PCDH15: variants seen among roughly 807,000 people sequenced by gnomAD.
PCDH15 encodes protocadherin-15.
PCDH15 carries 129 observed loss-of-function variants against 178.5 expected under a neutral mutation model. The observed-to-expected ratio is 0.72, with a 90% CI of 0.63 to 0.84. The LOEUF (loss-of-function observed/expected upper bound fraction) is 0.84. Among genes scored for constraint, PCDH15 ranks in the 40% least tolerant of loss-of-function variants. The pLI is 0.00. For synonymous variants in PCDH15, 800 were observed against 732.0 expected (o/e 1.09, Z -1.50); for missense variants, 2,230 against 2,099.9 (o/e 1.06, Z -1.21).
chr10:54,189,897 T>G (rs1259659499), intron 11 of PCDH15, among the ~76,000 whole-genome samples: 1 of 149,118 alleles, frequency 6.7e-6, no homozygotes, highest in Non-Finnish European at 1.5e-5. Flanking sequence ...TAAACTGATA[T>G]GGTTCATATA....
chr10:54,146,922 G>GTA (rs765376505), intron 14 of PCDH15, among the ~76,000 whole-genome samples: 6 of 81,850 alleles, frequency 7.3e-5, no homozygotes, highest in Non-Finnish European at 1.3e-4. Context: ...TATATATAGT[G>GTA]TATATATATA....
chr10:54,228,417 A>C (rs537746546), intron 9 of PCDH15, among the ~76,000 whole-genome samples: 1 of 152,262 alleles, frequency 6.6e-6, no homozygotes, highest in Non-Finnish European at 1.5e-5. Flanking sequence ...ACTTGGCCCC[A>C]TTATTCAATT....
intron 15 of PCDH15, among the ~76,000 whole-genome samples, chr10:54,130,458 C>A (rs925533601): frequency 1.3e-5 from 2 of 152,116 alleles, no homozygotes; most frequent in Non-Finnish European, 2.9e-5. Context: ...CTACCTATAA[C>A]TGACCCTTAT....
chr10:54,012,745 T>C (rs1265498798), intron 20 of PCDH15, among the ~76,000 whole-genome samples: 2 of 152,100 alleles, frequency 1.3e-5, no homozygotes, highest in African/African-American at 4.8e-5. Flanking sequence ...AAGCAAATTC[T>C]AAGGGAATTT....
intron 2 of PCDH15, among the ~76,000 whole-genome samples, chr10:55,145,515 A>G (rs1838482766): frequency 6.6e-6 from 1 of 151,974 alleles, no homozygotes; most frequent in Non-Finnish European, 1.5e-5. Flanking sequence ...GATATAACTT[A>G]TGTAGACCCA....
chr10:54,860,984 G>C (rs1953831073), intron 3 of PCDH15, among the ~76,000 whole-genome samples: 1 of 152,084 alleles, frequency 6.6e-6, no homozygotes, highest in Non-Finnish European at 1.5e-5. Flanking sequence ...TAAGTGCTCT[G>C]TCCCAATAAT....
At chr10:54,667,253 TAC>T (rs1192788195) in intron 1 of PCDH15, among the ~76,000 whole-genome samples, 2 of 152,018 alleles carry the variant, frequency 1.3e-5, no homozygotes, top group Admixed American at 6.6e-5. Context: ...GCTCAATATT[TAC>T]AGAGACCTGA....
intron 2 of PCDH15, among the ~76,000 whole-genome samples, chr10:55,367,525 G>A (rs1189703756): frequency 6.6e-6 from 1 of 152,028 alleles, no homozygotes; most frequent in Non-Finnish European, 1.5e-5. Flanking sequence ...AGACTGAAGT[G>A]AGCCATGATC....
chr10:54,107,313 C>T (rs1170209957), intron 15 of PCDH15, among the ~76,000 whole-genome samples: 1 of 152,182 alleles, frequency 6.6e-6, no homozygotes, highest in Non-Finnish European at 1.5e-5. Flanking sequence ...TGTATGCTTC[C>T]TGACTTCTTC....
At chr10:55,291,362 T>C (rs1040554585) in intron 1 of PCDH15, among the ~76,000 whole-genome samples, 1 of 152,230 alleles carries the variant, frequency 6.6e-6, no homozygotes, top group Non-Finnish European at 1.5e-5. Flanking sequence ...CAAGTCTTTA[T>C]TCACAGCTTG....
chr10:54,659,603 ATTAGCTGGGTG>A (rs1479057413), intron 2 of PCDH15, among the ~76,000 whole-genome samples: 1 of 152,006 alleles, frequency 6.6e-6, no homozygotes, highest in Non-Finnish European at 1.5e-5. Flanking sequence ...AAATACAAAA[ATTAGCTGGGTG>A]TTAGTGGGGC....
intron 2 of PCDH15, among the ~76,000 whole-genome samples, chr10:54,649,399 A>G (rs1361026385): frequency 6.6e-6 from 1 of 152,088 alleles, no homozygotes; most frequent in South Asian, 2.1e-4. Context: ...TCCTGGGGAG[A>G]TATCATCAGA....
chr10:55,367,169 A>G (rs1241995241), intron 2 of PCDH15, among the ~76,000 whole-genome samples: 1 of 152,006 alleles, frequency 6.6e-6, no homozygotes, highest in Non-Finnish European at 1.5e-5. Flanking sequence ...GAGCTTTTAT[A>G]GTCTTACCTT....
rs1225468892 is a variant in PCDH15 at position 54,844,021 on chromosome 10, A to G, written c.-29+53429T>C. Among the ~76,000 whole-genome samples, 4 of 152,034 alleles carry G rather than the reference A, an allele frequency of 2.6e-5. No homozygotes were observed. The East Asian group carries it at 7.7e-4, about 29-fold the overall frequency. On this transcript the variant is annotated intron_variant, in intron 3 of 5. Coordinates refer to the PCDH15 transcript ENST00000458638. ...TATAACACAGAGCATGGCTGAAATA[A>G]CTTTTCTTATATATTTCAGTGTTAT...
chr10:54,481,246 T>C (rs1332358277), intron 3 of PCDH15, among the ~76,000 whole-genome samples: 1 of 151,906 alleles, frequency 6.6e-6, no homozygotes, highest in Non-Finnish European at 1.5e-5. Flanking sequence ...AAAATTCTTA[T>C]ATTACAAAAT....
intron 2 of PCDH15, among the ~76,000 whole-genome samples, chr10:55,103,799 C>T (rs1034611389): frequency 6.6e-6 from 1 of 151,968 alleles, no homozygotes; most frequent in African/African-American, 2.4e-5. Context: ...ACTTGAATGT[C>T]TTTTGGGTTT....
chr10:54,019,669 C>A (rs1047784418), intron 20 of PCDH15, among the ~76,000 whole-genome samples: 1 of 152,000 alleles, frequency 6.6e-6, no homozygotes, highest in African/African-American at 2.4e-5. Context: ...GATAACAAAT[C>A]CAGAGAGGTT....
intron 1 of PCDH15, among the ~76,000 whole-genome samples, chr10:55,290,163 A>C (rs982252962): frequency 2.4e-4 from 37 of 151,932 alleles, no homozygotes; most frequent in Admixed American, 2.4e-3. Flanking sequence ...ATATACATAA[A>C]TTTTATACAA....
intron 8 of PCDH15, among the ~76,000 whole-genome samples, chr10:54,259,930 A>C (rs905642627): frequency 6.6e-6 from 1 of 152,166 alleles, no homozygotes; most frequent in African/African-American, 2.4e-5. Context: ...TCTAGACTAA[A>C]ATACATTTTT....
Sources: gnomAD v4.1 joint callset for allele counts (sites outside exome capture counted in the v4.1 genomes callset) on GRCh38, gnomAD v4.1.1 for gene constraint, MANE v1.5 for transcripts, NCBI Gene and HGNC (gene_info 2026-07-23, HGNC 2026-07-21) for gene names.